The following IL25 variants were observed in gnomAD, a reference collection of about 807,000 sequenced individuals.
IL25 encodes interleukin 25.
In IL25, 10 loss-of-function variants were observed where a neutral mutation model predicts 13.2. That is an observed-to-expected ratio of 0.76 (90% CI 0.47 to 1.29). IL25 has a LOEUF of 1.29. IL25 is among the 50% of genes most tolerant of loss of function. The pLI, the probability that IL25 is intolerant of heterozygous loss-of-function variation, is 0.00. For synonymous variants in IL25, 107 were observed against 92.1 expected (o/e 1.16, Z -0.93); for missense variants, 235 against 232.4 (o/e 1.01, Z -0.07).
At position 23,375,888 on chromosome 14, in the gene IL25, T is replaced by C. The variant is rs200971389; in HGVS notation, c.*8T>C. The C allele has an allele frequency of 2.0e-3, 3,248 of 1,611,372 alleles. 7 individuals carry two copies. The highest frequency in any genetic ancestry group is 2.7e-3 in the Non-Finnish European group (3,126 of 1,177,960). ...CCCCGTGTGATGGGCTAGCCGGACC[T>C]GCTGGAGGCTGGTCCCTTTTTGGGA... On this transcript the variant is annotated 3_prime_UTR_variant, in exon 2 of 2. Transcript: ENST00000329715.
At chr14:23,374,654 CGCCTGCCAGACT>C (rs1890490079) in intron 1 of IL25, among the ~76,000 whole-genome samples, 1 of 152,082 alleles carries the variant, frequency 6.6e-6, no homozygotes, top group Non-Finnish European at 1.5e-5. Context: ...TGGAGACTGT[CGCCTGCCAGACT>C]AATGGAGTCG....
exon 1 of IL25, chr14:23,373,190 G>A: frequency 6.2e-7 from 1 of 1,614,230 alleles, no homozygotes; most frequent in Non-Finnish European, 8.5e-7. Context: ...TTGCATTCTT[G>A]GCAATGGTCA....
At chr14:23,372,831 C>T (rs7145551), upstream of IL25, 250,935 of 810,406 alleles carry the variant, frequency 0.31, 47,279 homozygotes, top group African/African-American at 0.79. Context: ...CCTAAAAAGA[C>T]AGTGGAAATA....
exon 1 of IL25, chr14:23,373,082 T>A (rs1401739145): frequency 3.1e-6 from 5 of 1,613,696 alleles, no homozygotes; most frequent in Non-Finnish European, 4.2e-6. Flanking sequence ...GGGGGCCAAG[T>A]GGAGTGAGAA....
chr14:23,375,634 A>G, exon 2 of IL25: 1 of 1,613,252 alleles, frequency 6.2e-7, no homozygotes, highest in Non-Finnish European at 8.5e-7. Context: ...GGTTGGACAG[A>G]GACTTGAACC....
exon 1 of IL25, chr14:23,373,062 G>A: frequency 1.9e-6 from 3 of 1,614,086 alleles, no homozygotes; most frequent in Non-Finnish European, 2.5e-6. Flanking sequence ...AAGCTGCCAG[G>A]TTTGGGGCTG....
chr14:23,375,233 C>G (rs535789764), intron 1 of IL25, among the ~76,000 whole-genome samples: 1 of 152,186 alleles, frequency 6.6e-6, no homozygotes, highest in Admixed American at 6.5e-5. Flanking sequence ...CTTGGGTACT[C>G]CGTCTCAAAA....
chr14:23,375,629 GACA>G (rs764135672), exon 2 of IL25: 4 of 1,613,208 alleles, frequency 2.5e-6, no homozygotes, highest in Non-Finnish European at 3.4e-6. Context: ...CCACAGGTTG[GACA>G]GAGACTTGAA....
chr14:23,375,726 G>A (rs1405832378), exon 2 of IL25: 5 of 1,614,200 alleles, frequency 3.1e-6, no homozygotes, highest in East Asian at 2.2e-5. Context: ...ATGGACCCCC[G>A]GGGCAACTCG....
chr14:23,374,315 G>A (rs139028577), intron 1 of IL25, among the ~76,000 whole-genome samples: 30 of 152,286 alleles, frequency 2.0e-4, no homozygotes, highest in Non-Finnish European at 5.9e-5. Flanking sequence ...CTTGCTGGGA[G>A]TCTGTGAACC....
chr14:23,374,535 A>C (rs549568473), intron 1 of IL25, among the ~76,000 whole-genome samples: 1 of 152,354 alleles, frequency 6.6e-6, no homozygotes, highest in African/African-American at 2.4e-5. Flanking sequence ...AAATTCATTT[A>C]AGCACCCAAC....
exon 2 of IL25, chr14:23,376,178 A>G: frequency 2.5e-6 from 1 of 402,074 alleles, no homozygotes; most frequent in Non-Finnish European, 4.5e-6. Context: ...CTCTTTTCCC[A>G]TCCCCTGCTA....
exon 2 of IL25, chr14:23,375,775 G>A (rs1890536045): frequency 6.2e-7 from 1 of 1,614,264 alleles, no homozygotes; most frequent in Non-Finnish European, 8.5e-7. Flanking sequence ...TCTACCGGCG[G>A]CCATGCCATG....
chr14:23,373,341 A>C (rs1890464047), exon 1 of IL25: 1 of 1,613,892 alleles, frequency 6.2e-7, no homozygotes, highest in Admixed American at 1.7e-5. Flanking sequence ...AGAGTCCTGT[A>C]GGGCCAGTGA....
exon 2 of IL25, chr14:23,376,071 T>G: frequency 4.3e-6 from 3 of 701,024 alleles, no homozygotes; most frequent in Non-Finnish European, 6.9e-6. Context: ...GAGCAGCTGC[T>G]GCTTAGGGCC....
chr14:23,375,890 C>T (rs374609235), exon 2 of IL25: 1 of 1,611,166 alleles, frequency 6.2e-7, no homozygotes, highest in Non-Finnish European at 8.5e-7. Flanking sequence ...GCCGGACCTG[C>T]TGGAGGCTGG....
At chr14:23,373,681 A>C (rs1361010996) in intron 1 of IL25, among the ~76,000 whole-genome samples, 3 of 152,016 alleles carry the variant, frequency 2.0e-5, no homozygotes, top group African/African-American at 4.8e-5. Context: ...ATGTATGTAA[A>C]AGTCTGTATT....
At chr14:23,374,246 C>T (rs576185709) in intron 1 of IL25, among the ~76,000 whole-genome samples, 1 of 152,206 alleles carries the variant, frequency 6.6e-6, no homozygotes, top group East Asian at 1.9e-4. Flanking sequence ...AATCAGATGG[C>T]ATGGGAGCTT....
exon 1 of IL25, chr14:23,373,319 C>T: frequency 6.2e-7 from 1 of 1,614,162 alleles, no homozygotes; most frequent in Non-Finnish European, 8.5e-7. Flanking sequence ...CTGCTAGGCC[C>T]AACCGCCACC....
Sources: gnomAD v4.1 joint callset for allele counts (sites outside exome capture counted in the v4.1 genomes callset) on GRCh38, gnomAD v4.1.1 for gene constraint, MANE v1.5 for transcripts, NCBI Gene and HGNC (gene_info 2026-07-23, HGNC 2026-07-21) for gene names.